HP1BP3: variants seen among roughly 807,000 people sequenced by gnomAD.
The protein encoded by HP1BP3 is heterochromatin protein 1-binding protein 3.
In HP1BP3, 12 loss-of-function variants were observed where a neutral mutation model predicts 62.5. The observed-to-expected ratio is 0.19, with a 90% CI of 0.12 to 0.31. The LOEUF is 0.31. Ranked by LOEUF, HP1BP3 falls within the 10% of genes least tolerant of loss-of-function variation. The pLI is 1.00. For missense variants in HP1BP3, 502 were observed against 651.8 expected (o/e 0.77, Z 2.50); for synonymous variants, 260 against 237.8 (o/e 1.09, Z -0.86).
At chr1:20,787,147 C>T (rs927694970) in intron 1 of HP1BP3, 48 bp downstream of exon 1, 1 of 151,674 alleles carries the variant, frequency 6.6e-6, no homozygotes, top group Admixed American at 6.6e-5. Flanking sequence ...CTTCGGGGCC[C>T]AGCGAGCCCG....
At chr1:20,767,344 C>T (rs536098978) in intron 7 of HP1BP3, among the ~76,000 whole-genome samples, 8 of 152,306 alleles carry the variant, frequency 5.3e-5, no homozygotes, top group African/African-American at 1.9e-4. Flanking sequence ...ATTTATATAG[C>T]TGCCCATAAT....
rs780858744 is a variant in HP1BP3 at position 20,773,473 on chromosome 1, G to A, written c.488C>T (p.Ala163Val). The A allele has an allele frequency of 6.2e-7, 1 of 1,611,324 alleles. No homozygotes were observed. ...MASSPRPKMD[A>V]ILTEAIKACF... is the part of the protein sequence containing the mutation. ...TGCCTTAATGGCCTCAGTTAAGATTGCATCCATCTTGGGACGTGGGGAAGA... is the reference window on the plus strand; with the variant it reads ...TGCCTTAATGGCCTCAGTTAAGATTACATCCATCTTGGGACGTGGGGAAGA... The change falls in exon 5 of 13, where the codon GCA (alanine) becomes GTA (valine). Residue 163 changes from alanine (A) to valine (V), a missense_variant. Physicochemically the swap from Ala to Val is moderately conservative, Grantham distance 64. This residue lies in a region of HP1BP3 where 25 missense variants were observed against 22.5 expected (regional missense o/e 1.11). Coordinates refer to ENST00000438032, the MANE Select transcript of HP1BP3 (RefSeq NM_001372052.1).
At chr1:20,756,602 C>A (rs2056124646) in intron 9 of HP1BP3, among the ~76,000 whole-genome samples, 1 of 152,072 alleles carries the variant, frequency 6.6e-6, no homozygotes, top group Non-Finnish European at 1.5e-5. Context: ...AGGGGGAGGA[C>A]AGCTATTTTT....
chr1:20,771,695 C>T (rs2057067549), intron 5 of HP1BP3, among the ~76,000 whole-genome samples: 9 of 152,164 alleles, frequency 5.9e-5, no homozygotes, highest in Admixed American at 5.9e-4. Context: ...TTAAGTAGCT[C>T]ATTATGTCAC....
Position 20,743,890 on chromosome 1 carries a change from A to G in HP1BP3, c.*907T>C, listed in dbSNP as rs577274884. Reference sequence around the variant, plus strand: ...CGAGACCAGCCTGACCAACACGGCGAAACCCCATCTCTACTAAAAATACAA... The same window carrying G: ...CGAGACCAGCCTGACCAACACGGCGGAACCCCATCTCTACTAAAAATACAA... On this transcript the variant is annotated 3_prime_UTR_variant, in exon 13 of 13. Transcript: ENST00000438032. 6.6e-6 allele frequency: 1 copy of G among 152,220 alleles called. No individual in the cohort carries two copies. The highest frequency in any genetic ancestry group is 2.1e-4 in the South Asian group (1 of 4,816). The allele number at this position is 152,220 out of a possible 1,614,324, so 9.4% of individuals were successfully genotyped here.
chr1:20,748,754 A>T (rs911799477), intron 10 of HP1BP3, among the ~76,000 whole-genome samples: 16 of 151,574 alleles, frequency 1.1e-4, no homozygotes, highest in African/African-American at 3.6e-4. Context: ...ACACAGCGAG[A>T]CTCCGTCTAA....
chr1:20,759,414 AAAG>A (rs2056327707), intron 8 of HP1BP3, among the ~76,000 whole-genome samples: 3 of 152,230 alleles, frequency 2.0e-5, no homozygotes, highest in Non-Finnish European at 4.4e-5. Flanking sequence ...CAAACAAAAA[AAAG>A]AATGATTTAA....
intron 8 of HP1BP3, 113 bp from the exon 9 acceptor site, chr1:20,757,369 ATTATTTTT>A: frequency 5.0e-6 from 2 of 400,554 alleles, no homozygotes; most frequent in Non-Finnish European, 3.9e-6. Flanking sequence ...TATTATTATT[ATTATTTTT>A]TTTTTTTTTT....
At chr1:20,775,835 C>CGTAGGTTTGTGTA in intron 4 of HP1BP3, 1 of 898,332 alleles carries the variant, frequency 1.1e-6, no homozygotes, top group East Asian at 2.8e-5. Context: ...GGCTGTACCA[C>CGTAGGTTTGTGTA]GTAGGTTTGT....
In HP1BP3 at chr1:20,771,044, C is replaced by A; in HGVS notation, c.540G>T (p.Val180=). The part of the protein sequence containing the change: ...KACFQKSGAS[V]VAIRKYIIHK... ...GGATGATGTATTTTCGAATAGCAAC[C>A]ACTGATGCACCACTCTTCTGGAAGC... Residue 180 remains valine (V), a synonymous_variant, in exon 6 of 13, where the codon GTG becomes GTT. Coordinates refer to ENST00000438032, the MANE Select transcript of HP1BP3 (RefSeq NM_001372052.1). 1 of 1,607,688 alleles carries A rather than the reference C, an allele frequency of 6.2e-7. No individual in the cohort carries two copies.
At chr1:20,769,746 T>A (rs2056968433) in intron 6 of HP1BP3, among the ~76,000 whole-genome samples, 1 of 152,130 alleles carries the variant, frequency 6.6e-6, no homozygotes, top group South Asian at 2.1e-4. Context: ...GTTTTACATT[T>A]TGAGAAAGCT....
chr1:20,776,848 C>T lies in HP1BP3; in HGVS notation c.197-98G>A. ...TCTTATTAAACGGACCAGCCAAAGT[C>T]TCCAATTAACAAATGAATTCTAAAA... On this transcript the variant is annotated intron_variant, in intron 3 of 12. Transcript: ENST00000438032. 2 of 969,006 alleles carry T rather than the reference C, an allele frequency of 2.1e-6. 1 individual carries two copies. Among genetic ancestry groups the T allele is most frequent in the Admixed American group, 5.9e-5 (2 of 34,080 alleles). The allele number at this position is 969,006 out of a possible 1,614,324, so 60.0% of individuals were successfully genotyped here. A position where few individuals can be genotyped will look rare whatever the true frequency, so the allele number is the denominator to read the frequency against.
chr1:20,763,971 C>T (rs552880618), intron 8 of HP1BP3, among the ~76,000 whole-genome samples: 5 of 151,730 alleles, frequency 3.3e-5, no homozygotes, highest in African/African-American at 9.7e-5. Context: ...GGATTACAGG[C>T]GTGAGCCACC....
At chr1:20,784,480 T>TC (rs200760376) in intron 1 of HP1BP3, among the ~76,000 whole-genome samples, 2 of 148,504 alleles carry the variant, frequency 1.3e-5, no homozygotes, top group Non-Finnish European at 1.5e-5. Flanking sequence ...TTTTCCCTTT[T>TC]TTTTTTTTTT....
In HP1BP3 at chr1:20,761,152, C is replaced by T. The variant is rs375095369; in HGVS notation, c.891-3896G>A. ...CTATGCCTCCCAGGTTTAAGTGATT[C>T]TCTTGCCTTGGCCTCTTGAGTAGCT... On this transcript the variant is annotated intron_variant, in intron 8 of 12. Transcript: ENST00000438032. 2.4e-4 allele frequency among the ~76,000 whole-genome samples: 37 copies of T among 152,238 alleles called. 1 individual carries two copies. Among genetic ancestry groups the T allele is most frequent in the African/African-American group, 7.7e-4 (32 of 41,550 alleles).
At chr1:20,770,758 C>G (rs1035712837) in intron 6 of HP1BP3, among the ~76,000 whole-genome samples, 172 bp downstream of exon 6, 2 of 152,130 alleles carry the variant, frequency 1.3e-5, no homozygotes, top group Non-Finnish European at 2.9e-5. Flanking sequence ...TTAATGGCAC[C>G]AGCATTTTCG....
At chr1:20,769,572 T>A (rs1007938061) in intron 6 of HP1BP3, among the ~76,000 whole-genome samples, 1 of 151,942 alleles carries the variant, frequency 6.6e-6, no homozygotes, top group East Asian at 1.9e-4. Context: ...TAAAATAAAA[T>A]AGAATAAAGA....
chr1:20,767,015 T>C (rs1056527482), intron 7 of HP1BP3, among the ~76,000 whole-genome samples: 14 of 151,982 alleles, frequency 9.2e-5, no homozygotes, highest in South Asian at 4.1e-4. Flanking sequence ...TAAAAGATAT[T>C]TCACAAAAAG....
Position 20,742,489 on chromosome 1 carries a change from T to C in HP1BP3, c.*2308A>G, listed in dbSNP as rs1465907547. 2.0e-5 allele frequency among the ~76,000 whole-genome samples: 3 copies of C among 152,218 alleles called. No individual in the cohort carries two copies. Among genetic ancestry groups the C allele is most frequent in the Non-Finnish European group, 4.4e-5 (3 of 68,040 alleles). On this transcript the variant is annotated 3_prime_UTR_variant, in exon 13 of 13. Transcript: ENST00000438032. ...CCTTTGATTCATTAAGTAATTAGCA[T>C]TCAATGTATCTGGAAACATCGTTTA...
Sources: gnomAD v4.1 joint callset for allele counts (sites outside exome capture counted in the v4.1 genomes callset) on GRCh38, gnomAD v4.1.1 for gene constraint, gnomAD v4.1.1 regional missense constraint, MANE v1.5 for transcripts, NCBI Gene and HGNC (gene_info 2026-07-23, HGNC 2026-07-21) for gene names.